Variants in SCD5 observed in about 807,000 individuals in gnomAD.
SCD5 encodes stearoyl-CoA desaturase 5.
A neutral mutation model predicts 30.4 loss-of-function variants in SCD5; 20 were observed. That is an observed-to-expected ratio of 0.66 (90% CI 0.46 to 0.96). The LOEUF (loss-of-function observed/expected upper bound fraction) is 0.96, where lower values mean the gene tolerates loss of function less well. SCD5 is among the 40% of genes least tolerant of loss of function. The pLI, the probability that SCD5 is intolerant of heterozygous loss-of-function variation, is 0.00. For missense variants in SCD5, 381 were observed against 443.3 expected (o/e 0.86, Z 1.26); for synonymous variants, 173 against 176.4 (o/e 0.98, Z 0.16).
chr4:82,667,377 A>T (rs765800322), intron 3 of SCD5, among the ~76,000 whole-genome samples: 2 of 152,210 alleles, frequency 1.3e-5, no homozygotes, highest in Non-Finnish European at 2.9e-5. Flanking sequence ...TTTGACTTGG[A>T]AAATTTTTAA....
chr4:82,760,731 G>GC (rs1482321172), intron 1 of SCD5, among the ~76,000 whole-genome samples: 2 of 152,178 alleles, frequency 1.3e-5, no homozygotes, highest in African/African-American at 4.8e-5. Flanking sequence ...AAACAAGGCT[G>GC]CCCTTTTGGA....
rs72115040 is a variant in SCD5, at chr4:82,795,809, CAAAAAAAAAAAA to C, written c.232+2485_232+2496del. On this transcript the variant is annotated intron_variant, in intron 1 of 4. Coordinates refer to ENST00000319540, the MANE Select transcript of SCD5 (RefSeq NM_001037582.3). Reference sequence around the variant, plus strand: ...TGCACTCCAGCAAGACCCTGTCTCACAAAAAAAAAAAAAAAAAAAAAAAAAAGCAGCAGAGGC... The same window carrying C: ...TGCACTCCAGCAAGACCCTGTCTCACAAAAAAAAAAAAAAGCAGCAGAGGC... Among the ~76,000 whole-genome samples, 106 of 43,912 alleles carry C rather than the reference CAAAAAAAAAAAA, an allele frequency of 2.4e-3. No individual in the cohort carries two copies. The South Asian group carries it at 0.046, about 19-fold the overall frequency. The allele number at this position is 43,912 out of a possible 152,430, so 28.8% of individuals were successfully genotyped here.
At chr4:82,667,446 T>C (rs1245765188) in intron 3 of SCD5, among the ~76,000 whole-genome samples, 1 of 152,214 alleles carries the variant, frequency 6.6e-6, no homozygotes, top group Non-Finnish European at 1.5e-5. Flanking sequence ...CCCAATATTT[T>C]AACCACTACA....
chr4:82,779,807 C>A (rs1335679857), intron 1 of SCD5, among the ~76,000 whole-genome samples: 5 of 152,208 alleles, frequency 3.3e-5, no homozygotes, highest in Non-Finnish European at 7.3e-5. Flanking sequence ...TCAAGGTTCA[C>A]AATTTTTCAG....
chr4:82,651,906 C>CA (rs1221905241), intron 3 of SCD5, among the ~76,000 whole-genome samples: 9 of 152,106 alleles, frequency 5.9e-5, no homozygotes, highest in African/African-American at 2.2e-4. Flanking sequence ...AGAGCTAAAA[C>CA]AAAACAAAAC....
chr4:82,777,581 C>A (rs1013849746), intron 1 of SCD5, among the ~76,000 whole-genome samples: 14 of 152,310 alleles, frequency 9.2e-5, no homozygotes, highest in African/African-American at 3.1e-4. Flanking sequence ...GGGCCTCATG[C>A]GTGGTTAAAT....
At chr4:82,712,246 A>ATATATATATATC (rs1720108463) in intron 1 of SCD5, among the ~76,000 whole-genome samples, 1 of 5,388 alleles carries the variant, frequency 1.9e-4, no homozygotes, top group Non-Finnish European at 3.8e-4. Context: ...CAACTAACAT[A>ATATATATATATC]TATATATATA....
chr4:82,768,318 C>T (rs991440601), intron 1 of SCD5, among the ~76,000 whole-genome samples: 1 of 152,084 alleles, frequency 6.6e-6, no homozygotes, highest in African/African-American at 2.4e-5. Context: ...CAGGAGTGAT[C>T]TGATAAATTG....
chr4:82,781,899 G>T (rs1405616134), intron 1 of SCD5, among the ~76,000 whole-genome samples: 1 of 152,078 alleles, frequency 6.6e-6, no homozygotes, highest in Non-Finnish European at 1.5e-5. Context: ...TACTGTCCTA[G>T]ATGAGGGTGG....
chr4:82,784,801 C>T lies in SCD5; in HGVS notation c.232+13505G>A, dbSNP rs1392129352. ...AATGCAGAGGTGATATTAAAAATAT[C>T]TGACAACCCACAGGGCACCAGCTAA... On this transcript the variant is annotated intron_variant, in intron 1 of 4. Transcript: ENST00000319540. Among the ~76,000 whole-genome samples the T allele has an allele frequency of 2.0e-5, 3 of 152,168 alleles. No homozygotes were observed. The East Asian group carries it at 5.8e-4, about 29-fold the overall frequency.
rs151046123 is a variant in SCD5 at position 82,747,069 on chromosome 4, G to GCCCCCCCCCCCC, written c.233-41657_233-41656insGGGGGGGGGGGG. ...AGTTAGAGAAAAGTCTGGGCAACCT[G>GCCCCCCCCCCCC]CCCCCCAAGAAAGACGACCTTCCCA... On this transcript the variant is annotated intron_variant, in intron 1 of 4. Transcript: ENST00000319540. Among the ~76,000 whole-genome samples, 57 of 139,698 alleles carry GCCCCCCCCCCCC rather than the reference G, an allele frequency of 4.1e-4. 3 individuals carry two copies. The highest frequency in any genetic ancestry group is 6.6e-4 in the Non-Finnish European group (41 of 61,794). 91.6% of individuals were successfully genotyped at this position (139,698 alleles called of 152,430 possible).
chr4:82,782,863 C>T (rs1407768356), intron 1 of SCD5, among the ~76,000 whole-genome samples: 2 of 152,182 alleles, frequency 1.3e-5, no homozygotes, highest in Non-Finnish European at 2.9e-5. Context: ...GTTGTCAACC[C>T]TAAGGAATCT....
chr4:82,786,649 C>T (rs928228849), intron 1 of SCD5, among the ~76,000 whole-genome samples: 5 of 151,964 alleles, frequency 3.3e-5, no homozygotes, highest in African/African-American at 4.8e-5. Context: ...AAAATTAGCT[C>T]GGCATGGTGG....
At chr4:82,703,815 C>T (rs115957412) in intron 2 of SCD5, among the ~76,000 whole-genome samples, 1,747 of 152,230 alleles carry the variant, frequency 0.011, 39 homozygotes, top group African/African-American at 0.04. Context: ...TGCTTGAACA[C>T]AAGAAATGAA....
chr4:82,796,605 C>T (rs1419742595), intron 1 of SCD5, among the ~76,000 whole-genome samples: 2 of 152,052 alleles, frequency 1.3e-5, no homozygotes, highest in Non-Finnish European at 1.5e-5. Flanking sequence ...AGCCAGTGAG[C>T]CCTAGGCATG....
At chr4:82,711,046 T>C (rs73829973) in intron 1 of SCD5, among the ~76,000 whole-genome samples, 4,695 of 152,114 alleles carry the variant, frequency 0.031, 250 homozygotes, top group African/African-American at 0.11. Flanking sequence ...GTAGGGAAAA[T>C]AGTACCTGCC....
chr4:82,738,645 C>T (rs1437500945), intron 1 of SCD5, among the ~76,000 whole-genome samples: 1 of 152,176 alleles, frequency 6.6e-6, no homozygotes, highest in Non-Finnish European at 1.5e-5. Context: ...CAACTATGGT[C>T]TCTGGAGAGG....
At chr4:82,790,412 G>A (rs1344770699) in intron 1 of SCD5, among the ~76,000 whole-genome samples, 6 of 151,988 alleles carry the variant, frequency 3.9e-5, no homozygotes, top group Non-Finnish European at 8.8e-5. Context: ...CTACTCACCA[G>A]CCACGCTGAA....
chr4:82,718,379 A>C (rs1176997349), intron 1 of SCD5, among the ~76,000 whole-genome samples: 2 of 151,718 alleles, frequency 1.3e-5, no homozygotes, highest in African/African-American at 2.4e-5. Context: ...CTCCGTCCTC[A>C]TCTCTCCGTC....
Sources: allele counts gnomAD v4.1 joint callset (sites outside exome capture counted in the v4.1 genomes callset), GRCh38; gene constraint gnomAD v4.1.1; transcripts MANE v1.5; gene names NCBI Gene and HGNC (gene_info 2026-07-23, HGNC 2026-07-21).